Variants in ZFHX3 observed in about 807,000 individuals in gnomAD.
ZFHX3 encodes zinc finger homeobox 3, also known as zinc finger homeobox protein 3.
In ZFHX3, 42 loss-of-function variants were observed where a neutral mutation model predicts 279.1. That is an observed-to-expected ratio of 0.15 (90% confidence interval 0.12 to 0.19). The LOEUF is 0.19. Among genes scored for constraint, ZFHX3 ranks in the 10% least tolerant of loss-of-function variants. The pLI is 1.00. For missense variants in ZFHX3, 4,981 were observed against 4,754.0 expected (o/e 1.05, Z -1.40); for synonymous variants, 2,293 against 1,957.8 (o/e 1.17, Z -4.52).
intron 5 of ZFHX3, among the ~76,000 whole-genome samples, chr16:73,247,581 T>C (rs1469773602): frequency 6.6e-5 from 10 of 151,948 alleles, no homozygotes; most frequent in Non-Finnish European, 1.3e-4. Context: ...AGTGTGTATA[T>C]ACTGTGTATA....
chr16:73,348,256 T>A (rs1043616427), intron 3 of ZFHX3, among the ~76,000 whole-genome samples: 1 of 152,092 alleles, frequency 6.6e-6, no homozygotes. Flanking sequence ...TACTTAACAT[T>A]GGTGAGAAAA....
chr16:73,565,329 A>C (rs2020435121), intron 2 of ZFHX3, among the ~76,000 whole-genome samples: 1 of 152,070 alleles, frequency 6.6e-6, no homozygotes, highest in South Asian at 2.1e-4. Flanking sequence ...GTTCTACAAA[A>C]CTTATCAATT....
In ZFHX3 at chr16:73,028,787, G is replaced by A. The variant is rs541034861; in HGVS notation, c.-50+18965C>T. On this transcript the variant is annotated intron_variant, in intron 1 of 9. Coordinates refer to ENST00000268489, the MANE Select transcript of ZFHX3 (RefSeq NM_006885.4). ...GAGCAGGGGCCCTCCCACAGCCCCG[G>A]GGCACCCAAAATTTGCCTAATTGAA... Among the ~76,000 whole-genome samples, 22 of 62,452 alleles carry A rather than the reference G, an allele frequency of 3.5e-4. 1 individual carries two copies. The South Asian group carries it at 0.012, about 35-fold the overall frequency. 41.0% of individuals were successfully genotyped at this position (62,452 alleles called of 152,430 possible).
chr16:73,349,605 CCTTA>C (rs200247090), intron 3 of ZFHX3, among the ~76,000 whole-genome samples: 42 of 141,918 alleles, frequency 3.0e-4, no homozygotes, highest in African/African-American at 1.2e-3. Context: ...TCTCTCTCTC[CCTTA>C]CTTCCTCCCT....
intron 1 of ZFHX3, among the ~76,000 whole-genome samples, chr16:73,819,247 T>C (rs960546131): frequency 2.3e-4 from 35 of 151,686 alleles, no homozygotes; most frequent in Admixed American, 1.2e-3. Context: ...ACTGACACTT[T>C]GGGCTGGATA....
In ZFHX3 at chr16:72,958,012, G is replaced by A. The variant is rs2144438332; in HGVS notation, c.2134C>T (p.Arg712Trp). The stretch of plus-strand genomic sequence containing the variant: ...GTGTAGCTCTCGCCTCGTGCCAGCC[G>A]GGGGTGGGGCTGCCCGCTTTTGCAG... The part of the protein sequence containing the change: ...VYCKSGQPHP[R>W]LARGESYTCG... Residue 712 changes from arginine to tryptophan, a missense_variant, in exon 2 of 10, where the codon CGG becomes TGG. Physicochemically the swap from Arg to Trp is moderately radical, Grantham distance 101 (BLOSUM62 -3). This residue lies in a region of ZFHX3 where 39 missense variants were observed against 68.2 expected (regional missense o/e 0.57). Coordinates refer to ENST00000268489, the MANE Select transcript of ZFHX3 (RefSeq NM_006885.4). 9 of 1,606,926 alleles carry A rather than the reference G, an allele frequency of 5.6e-6. No individual in the cohort carries two copies. Among genetic ancestry groups the A allele is most frequent in the Non-Finnish European group, 6.8e-6 (8 of 1,177,312 alleles).
intron 1 of ZFHX3, among the ~76,000 whole-genome samples, chr16:72,980,003 T>C (rs927300410): frequency 1.3e-5 from 2 of 152,234 alleles, no homozygotes; most frequent in Non-Finnish European, 2.9e-5. Context: ...TAAGACTAGG[T>C]GCAAGTAGGG....
intron 5 of ZFHX3, among the ~76,000 whole-genome samples, chr16:73,160,777 T>C (rs1378474349): frequency 1.3e-5 from 2 of 150,188 alleles, no homozygotes; most frequent in Non-Finnish European, 3.0e-5. Flanking sequence ...CTCTTCTTTT[T>C]TTTTTTTTTT....
intron 1 of ZFHX3, among the ~76,000 whole-genome samples, chr16:73,808,002 T>C (rs1194737813): frequency 6.6e-6 from 1 of 152,070 alleles, no homozygotes; most frequent in East Asian, 1.9e-4. Context: ...AAATGGAAGA[T>C]TCAGGGTTCA....
intron 2 of ZFHX3, among the ~76,000 whole-genome samples, chr16:73,523,932 G>A (rs2019649539): frequency 6.6e-6 from 1 of 152,140 alleles, no homozygotes; most frequent in Non-Finnish European, 1.5e-5. Context: ...CAGAAGAAAA[G>A]CAAATGAAAG....
rs142177483 is a variant in ZFHX3, at chr16:73,616,894, C to G, written c.-1547+63286G>C. 1.8e-3 allele frequency among the ~76,000 whole-genome samples: 278 copies of G among 152,254 alleles called. 2 individuals are homozygous for G. The highest frequency in any genetic ancestry group is 6.8e-3 in the Middle Eastern group (2 of 294). On this transcript the variant is annotated intron_variant, in intron 2 of 17. Transcript: ENST00000641206. ...CAAGTTCAAGTGCTATTGTAGCAAG[C>G]TAATTCCCTTCTTCCACATGCGATT...
intron 2 of ZFHX3, among the ~76,000 whole-genome samples, chr16:73,642,653 T>C (rs2052584326): frequency 6.6e-6 from 1 of 152,144 alleles, no homozygotes; most frequent in Non-Finnish European, 1.5e-5. Flanking sequence ...AAATACCACA[T>C]ACCTCCTGCC....
At chr16:73,786,122 T>C (rs543768003) in intron 1 of ZFHX3, among the ~76,000 whole-genome samples, 32 of 152,218 alleles carry the variant, frequency 2.1e-4, no homozygotes, top group African/African-American at 7.7e-4. Flanking sequence ...CCACCTGCCT[T>C]GGCCTCCCAA....
intron 1 of ZFHX3, among the ~76,000 whole-genome samples, chr16:73,038,898 A>G (rs1278229590): frequency 3.3e-5 from 5 of 151,878 alleles, no homozygotes; most frequent in Admixed American, 6.6e-5. Context: ...CCTGGGCTCA[A>G]GCAATCCACC....
chr16:73,060,548 C>T (rs1439990426), upstream of ZFHX3: 1 of 140,126 alleles, frequency 7.1e-6, no homozygotes, highest in Non-Finnish European at 1.6e-5. Context: ...CTTCCCCCCC[C>T]TTTCAAATCC....
chr16:73,746,623 C>A (rs1294493573), intron 1 of ZFHX3, among the ~76,000 whole-genome samples: 1 of 152,132 alleles, frequency 6.6e-6, no homozygotes, highest in East Asian at 1.9e-4. Context: ...TATGGAGGAC[C>A]AATTTTCTTA....
At chr16:73,820,570 C>T (rs1597130765) in intron 1 of ZFHX3, among the ~76,000 whole-genome samples, 1 of 152,008 alleles carries the variant, frequency 6.6e-6, no homozygotes, top group South Asian at 2.1e-4. Flanking sequence ...TCCCTGTTAC[C>T]CAGTCCAATC....
chr16:72,787,476 C>CG lies in ZFHX3; in HGVS notation c.10799dup (p.Ser3601ValfsTer65). The CG allele has an allele frequency of 1.1e-6, 1 of 922,606 alleles. No homozygotes were observed. The highest frequency in any genetic ancestry group is 1.4e-6 in the Non-Finnish European group (1 of 718,448). The allele number at this position is 922,606 out of a possible 1,614,324, so 57.2% of individuals were successfully genotyped here. ...AAGCGGAGGAGGGGGCGGCGGCCGA[C>CG]GGGGGAGGGGGGCTGTCGTTTGAGT... is the stretch of plus-strand genomic sequence containing the variant. On this transcript the variant is annotated frameshift_variant, in exon 10 of 10. Transcript: ENST00000268489. LOFTEE classifies it high-confidence loss of function.
intron 5 of ZFHX3, among the ~76,000 whole-genome samples, chr16:72,818,048 C>T (rs78248740): frequency 0.031 from 4,684 of 152,266 alleles, 259 homozygotes; most frequent in African/African-American, 0.11. Flanking sequence ...CAGAAATTTA[C>T]AGCAATCTTT....
Sources: allele counts gnomAD v4.1 joint callset (sites outside exome capture counted in the v4.1 genomes callset), GRCh38; gene constraint gnomAD v4.1.1; regional missense constraint gnomAD v4.1.1; transcripts MANE v1.5; gene names NCBI Gene and HGNC (gene_info 2026-07-23, HGNC 2026-07-21).